NLGN1: variants seen among roughly 807,000 people sequenced by gnomAD.
NLGN1 encodes the protein neuroligin-1.
A neutral mutation model predicts 65.5 loss-of-function variants in NLGN1; 12 were observed. That is an observed-to-expected ratio of 0.18 (90% CI 0.12 to 0.30). The LOEUF (loss-of-function observed/expected upper bound fraction) is 0.30. Among genes scored for constraint, NLGN1 ranks in the 10% least tolerant of loss-of-function variants. The probability of loss-of-function intolerance (pLI) is 1.00; values close to 1 mark genes in which losing one functional copy is unlikely to be tolerated. For missense variants in NLGN1, 750 were observed against 1,007.1 expected, an observed-to-expected ratio of 0.74 and a Z score of 3.46; for synonymous variants, 350 against 359.5, an observed-to-expected ratio of 0.97 and a Z score of 0.30.
intron 3 of NLGN1, among the ~76,000 whole-genome samples, chr3:173,684,471 C>T (rs951284177): frequency 6.6e-6 from 1 of 152,098 alleles, no homozygotes; most frequent in African/African-American, 2.4e-5. Flanking sequence ...GGGTAATAGA[C>T]GTAAAAGATG....
intron 2 of NLGN1, among the ~76,000 whole-genome samples, chr3:173,462,650 C>T (rs551233132): frequency 6.6e-6 from 1 of 152,282 alleles, no homozygotes; most frequent in African/African-American, 2.4e-5. Context: ...AACCTTCAGC[C>T]TTGTTACCTT....
intron 4 of NLGN1, among the ~76,000 whole-genome samples, chr3:173,818,793 A>G (rs1015923007): frequency 6.6e-6 from 1 of 151,416 alleles, no homozygotes; most frequent in South Asian, 2.1e-4. Context: ...CAACAAAGAT[A>G]TGGGTCTTTT....
chr3:174,063,782 G>C (rs905297219), intron 4 of NLGN1, among the ~76,000 whole-genome samples: 1 of 152,122 alleles, frequency 6.6e-6, no homozygotes, highest in African/African-American at 2.4e-5. Flanking sequence ...ACAAACATTT[G>C]TAGGCATGTA....
chr3:173,772,490 C>A (rs1301315011), intron 3 of NLGN1, among the ~76,000 whole-genome samples: 1 of 151,968 alleles, frequency 6.6e-6, no homozygotes, highest in Non-Finnish European at 1.5e-5. Context: ...TGGTGTCAGG[C>A]ACCCATAATC....
chr3:173,595,011 A>G lies in NLGN1; in HGVS notation c.-320-9268A>G, dbSNP rs186201704. 2.6e-4 allele frequency among the ~76,000 whole-genome samples: 39 copies of G among 152,272 alleles called. No homozygotes were observed. In the Middle Eastern group the frequency reaches 0.014, roughly 53 times the overall value. On this transcript the variant is annotated intron_variant, in intron 2 of 6. Coordinates refer to ENST00000457714, the Ensembl canonical transcript of NLGN1. ...ACCGTATTTTCCTCCTAGGCCTCCA[A>G]GCCTGTGATGGGAGGGGCTGCTGTG...
chr3:174,229,861 G>A (rs1286777562), intron 4 of NLGN1, among the ~76,000 whole-genome samples: 2 of 152,124 alleles, frequency 1.3e-5, no homozygotes, highest in African/African-American at 4.8e-5. Flanking sequence ...TATTGACTGT[G>A]TGTGGAATCT....
intron 1 of NLGN1, among the ~76,000 whole-genome samples, chr3:173,408,522 A>G (rs1711764647): frequency 6.6e-6 from 1 of 152,200 alleles, no homozygotes; most frequent in South Asian, 2.1e-4. Flanking sequence ...AGTGGCTAGA[A>G]TAACCAGCAC....
chr3:174,236,729 T>C (rs894925349), intron 4 of NLGN1, among the ~76,000 whole-genome samples: 2 of 152,128 alleles, frequency 1.3e-5, no homozygotes, highest in African/African-American at 4.8e-5. Context: ...CTTCACCATT[T>C]AAAAGTAGAA....
At chr3:174,052,387 G>T (rs910459893) in intron 4 of NLGN1, among the ~76,000 whole-genome samples, 2 of 151,742 alleles carry the variant, frequency 1.3e-5, no homozygotes, top group South Asian at 2.1e-4. Flanking sequence ...CAAGATTATT[G>T]ATTTTTTTTC....
chr3:173,497,387 TC>T (rs1256588473), intron 2 of NLGN1, among the ~76,000 whole-genome samples: 1 of 146,366 alleles, frequency 6.8e-6, no homozygotes. Flanking sequence ...AAACTCCATC[TC>T]AAAATAAATA....
chr3:174,239,684 T>C (rs1742432605), intron 4 of NLGN1, among the ~76,000 whole-genome samples: 1 of 152,174 alleles, frequency 6.6e-6, no homozygotes, highest in Non-Finnish European at 1.5e-5. Flanking sequence ...GTAGTCGATA[T>C]AATTGTAAAT....
chr3:174,145,828 T>C (rs1282882036), intron 4 of NLGN1, among the ~76,000 whole-genome samples: 1 of 152,208 alleles, frequency 6.6e-6, no homozygotes, highest in Non-Finnish European at 1.5e-5. Flanking sequence ...AACTTCACTT[T>C]TACCTAAAAT....
chr3:174,136,187 C>A lies in NLGN1; in HGVS notation c.647-139128C>A, dbSNP rs1721171854. ...GGTTACAAAAGATGTTTGTAAGTTC[C>A]AAAAATACATATCTGATATATTGGT... On this transcript the variant is annotated intron_variant, in intron 4 of 6. Coordinates refer to ENST00000457714, the Ensembl canonical transcript of NLGN1. Among the ~76,000 whole-genome samples the A allele has an allele frequency of 3.3e-5, 5 of 152,038 alleles. 1 individual carries two copies. The highest frequency in any genetic ancestry group is 2.6e-4 in the Admixed American group (4 of 15,236).
chr3:173,813,990 A>G (rs1165328080), intron 4 of NLGN1, among the ~76,000 whole-genome samples: 1 of 152,232 alleles, frequency 6.6e-6, no homozygotes, highest in Non-Finnish European at 1.5e-5. Flanking sequence ...TGTAAAAACC[A>G]AAGACATAAT....
In NLGN1 at chr3:174,279,959, T is replaced by C. The variant is rs967629950; in HGVS notation, c.1649+309T>C. Among the ~76,000 whole-genome samples, 4 of 151,958 alleles carry C rather than the reference T, an allele frequency of 2.6e-5. No individual in the cohort carries two copies. Among genetic ancestry groups the C allele is most frequent in the African/African-American group, 9.7e-5 (4 of 41,422 alleles). On this transcript the variant is annotated intron_variant, in intron 6 of 6. Coordinates refer to ENST00000457714, the Ensembl canonical transcript of NLGN1. This position sits in a 1 kb window ranked among gnomAD's most constrained non-coding sequence, Gnocchi z 4.7. ...GTAATAAATATTATTTTATAGTGCT[T>C]TGTCATTCACAACACTCTTTAATCC...
intron 1 of NLGN1, among the ~76,000 whole-genome samples, chr3:173,423,109 G>A (rs1715418459): frequency 6.6e-6 from 1 of 152,118 alleles, no homozygotes; most frequent in Non-Finnish European, 1.5e-5. Context: ...GAGAGATTGA[G>A]GAAGTGCCAC....
intron 4 of NLGN1, among the ~76,000 whole-genome samples, chr3:174,182,555 T>C (rs1730641791): frequency 6.6e-6 from 1 of 152,152 alleles, no homozygotes; most frequent in African/African-American, 2.4e-5. Context: ...GGGTAAGGCC[T>C]GAGATTTTGC....
At chr3:173,442,906 AG>A (rs1439411294) in intron 2 of NLGN1, among the ~76,000 whole-genome samples, 1 of 152,190 alleles carries the variant, frequency 6.6e-6, no homozygotes, top group Non-Finnish European at 1.5e-5. Flanking sequence ...ATATCTTTTA[AG>A]TAACCCAGCA....
intron 4 of NLGN1, among the ~76,000 whole-genome samples, chr3:174,073,679 G>T (rs530375443): frequency 6.6e-6 from 1 of 151,978 alleles, no homozygotes; most frequent in Non-Finnish European, 1.5e-5. Flanking sequence ...TTCTAAATTC[G>T]TGCTAATCAG....
Sources: gnomAD v4.1 joint callset for allele counts (sites outside exome capture counted in the v4.1 genomes callset) on GRCh38, gnomAD v4.1.1 for gene constraint, Gnocchi (gnomAD v3.1) non-coding constraint, MANE v1.5 for transcripts, NCBI Gene and HGNC (gene_info 2026-07-23, HGNC 2026-07-21) for gene names.